Variants in LMCD1 observed in about 807,000 individuals in gnomAD.
LMCD1 encodes LIM and cysteine rich domains 1.
Under a neutral mutation model 42.7 loss-of-function variants are expected in LMCD1, and 32 were observed. The observed-to-expected ratio is 0.75, with a 90% CI of 0.57 to 1.01. The LOEUF is 1.01. Ranked by LOEUF, LMCD1 falls within the 50% of genes least tolerant of loss-of-function variation. The pLI is 0.00. For missense variants in LMCD1, 458 were observed against 483.1 expected, an observed-to-expected ratio of 0.95 and a Z score of 0.49; for synonymous variants, 178 against 184.9, an observed-to-expected ratio of 0.96 and a Z score of 0.30.
intron 1 of LMCD1, among the ~76,000 whole-genome samples, chr3:8,527,856 G>A (rs901436470): frequency 6.6e-6 from 1 of 152,186 alleles, no homozygotes; most frequent in Non-Finnish European, 1.5e-5. Flanking sequence ...ATTAATGAGG[G>A]AACCCGTATG....
At chr3:8,546,093 A>G (rs1368734741) in intron 3 of LMCD1, among the ~76,000 whole-genome samples, 1 of 152,168 alleles carries the variant, frequency 6.6e-6, no homozygotes, top group Non-Finnish European at 1.5e-5. Context: ...AGATCAGGCC[A>G]TTGCACTCCA....
At chr3:8,542,002 CTTT>C (rs1187864989) in intron 3 of LMCD1, among the ~76,000 whole-genome samples, 11 of 76,722 alleles carry the variant, frequency 1.4e-4, no homozygotes, top group Non-Finnish European at 2.5e-4. Context: ...GAGGCTGGAG[CTTT>C]TTTTTTTTTT....
intron 4 of LMCD1, among the ~76,000 whole-genome samples, chr3:8,554,439 G>A (rs1402070783): frequency 6.6e-6 from 1 of 152,138 alleles, no homozygotes; most frequent in Non-Finnish European, 1.5e-5. Context: ...AGCCGTGTAT[G>A]GGGTAGCTTG....
intron 4 of LMCD1, among the ~76,000 whole-genome samples, chr3:8,559,696 C>T (rs562938621): frequency 1.3e-5 from 2 of 152,292 alleles, no homozygotes; most frequent in African/African-American, 4.8e-5. Flanking sequence ...GCTTGTCTCT[C>T]GTGGCTGAGG....
At chr3:8,549,520 A>G (rs1694801620) in intron 4 of LMCD1, among the ~76,000 whole-genome samples, 3 of 152,156 alleles carry the variant, frequency 2.0e-5, no homozygotes, top group Non-Finnish European at 4.4e-5. Context: ...AGCAGAGGAC[A>G]CTGTCCCCAA....
chr3:8,508,996 G>T (rs9878725), intron 1 of LMCD1, among the ~76,000 whole-genome samples: 23 of 152,280 alleles, frequency 1.5e-4, no homozygotes, highest in African/African-American at 4.6e-4. Flanking sequence ...CAATTTGCCA[G>T]GTCTGCAAAC....
chr3:8,563,258 T>A (rs1193100099), intron 4 of LMCD1, among the ~76,000 whole-genome samples: 6 of 152,216 alleles, frequency 3.9e-5, no homozygotes, highest in African/African-American at 1.2e-4. Flanking sequence ...TAATTGCCCC[T>A]GGAAGGAGGT....
intron 3 of LMCD1, among the ~76,000 whole-genome samples, chr3:8,543,076 T>G (rs1451195417): frequency 6.6e-6 from 1 of 152,204 alleles, no homozygotes; most frequent in African/African-American, 2.4e-5. Flanking sequence ...ATCCCCACTC[T>G]GGCAGAGTGA....
intron 1 of LMCD1, among the ~76,000 whole-genome samples, chr3:8,526,292 TG>T (rs1292177894): frequency 2.0e-5 from 3 of 152,218 alleles, no homozygotes; most frequent in African/African-American, 7.2e-5. Context: ...AGAGGCTCTT[TG>T]GCATGGAACT....
chr3:8,565,407 C>T, intron 4 of LMCD1, 25 bp from the exon 5 acceptor site: 1 of 1,604,042 alleles, frequency 6.2e-7, no homozygotes, highest in Admixed American at 1.7e-5. Context: ...TCCTTGTCTC[C>T]TATGGTCCTT....
chr3:8,536,471 C>T (rs921617760), intron 2 of LMCD1, among the ~76,000 whole-genome samples: 6 of 152,288 alleles, frequency 3.9e-5, no homozygotes, highest in South Asian at 2.1e-4. Flanking sequence ...CTTCCCAATA[C>T]ACATCCATCT....
intron 4 of LMCD1, among the ~76,000 whole-genome samples, chr3:8,554,999 C>G (rs1186999112): frequency 6.6e-6 from 1 of 152,118 alleles, no homozygotes; most frequent in Admixed American, 6.5e-5. Flanking sequence ...CAAGTGACTG[C>G]CCCAAAAGAG....
chr3:8,539,799 TTATTATTA>T (rs1559352101), intron 3 of LMCD1, among the ~76,000 whole-genome samples: 6 of 75,708 alleles, frequency 7.9e-5, no homozygotes, highest in African/African-American at 3.0e-4. Context: ...AACATTTTTA[TTATTATTA>T]TTATTATTAT....
intron 3 of LMCD1, among the ~76,000 whole-genome samples, chr3:8,539,795 TTTA>T (rs71049735): frequency 0.24 from 33,408 of 139,530 alleles, 3,940 homozygotes; most frequent in South Asian, 0.36. Context: ...TCCCAACATT[TTTA>T]TTATTATTAT....
Position 8,514,963 on chromosome 3 carries a change from C to T in LMCD1, c.42+12983C>T, listed in dbSNP as rs73127949. ...GGGATATACATATAAAGTAATCGAGCGAATACTGGAGATTGGTGCATTTCG... is the reference window on the plus strand; with the variant it reads ...GGGATATACATATAAAGTAATCGAGTGAATACTGGAGATTGGTGCATTTCG... On this transcript the variant is annotated intron_variant, in intron 1 of 5. Transcript: ENST00000157600. 1,327 of 456,584 alleles carry T rather than the reference C, an allele frequency of 2.9e-3. 17 individuals carry two copies. The highest frequency in any genetic ancestry group is 0.024 in the African/African-American group (1,191 of 50,120). 28.3% of individuals were successfully genotyped at this position (456,584 alleles called of 1,614,324 possible).
At chr3:8,541,444 G>C (rs781457582) in intron 3 of LMCD1, among the ~76,000 whole-genome samples, 16 of 152,208 alleles carry the variant, frequency 1.1e-4, no homozygotes, top group Non-Finnish European at 2.2e-4. Flanking sequence ...AGCTACTTGG[G>C]AGGCTGAGGC....
intron 2 of LMCD1, among the ~76,000 whole-genome samples, chr3:8,536,608 C>T (rs114122346): frequency 0.035 from 5,268 of 152,248 alleles, 124 homozygotes; most frequent in South Asian, 0.056. Flanking sequence ...GCTGAAGCTC[C>T]GAGGCTATGA....
intron 1 of LMCD1, among the ~76,000 whole-genome samples, chr3:8,522,113 C>T (rs1236814160): frequency 6.6e-6 from 1 of 152,146 alleles, no homozygotes; most frequent in African/African-American, 2.4e-5. Context: ...GAGGCAGGAG[C>T]AAGGTCTTAA....
chr3:8,552,133 C>T (rs1462249222), intron 4 of LMCD1, among the ~76,000 whole-genome samples: 2 of 152,176 alleles, frequency 1.3e-5, no homozygotes, highest in African/African-American at 4.8e-5. Flanking sequence ...TCAGCAAGTC[C>T]GTGGGCATTG....
Sources: allele counts gnomAD v4.1 joint callset (sites outside exome capture counted in the v4.1 genomes callset), GRCh38; gene constraint gnomAD v4.1.1; transcripts MANE v1.5; gene names NCBI Gene and HGNC (gene_info 2026-07-23, HGNC 2026-07-21).